Variants in MID1 observed in about 807,000 individuals in gnomAD.
The protein encoded by MID1 is E3 ubiquitin-protein ligase Midline-1.
In MID1, 7 loss-of-function variants were observed where a neutral mutation model predicts 40.4. That is an observed-to-expected ratio of 0.17 (90% confidence interval 0.10 to 0.33). The LOEUF is 0.33. MID1 is among the 10% of genes least tolerant of loss of function. The pLI is 1.00. For synonymous variants in MID1, 229 were observed against 221.2 expected (o/e 1.04, Z -0.31); for missense variants, 367 against 558.5 (o/e 0.66, Z 3.46).
intron 1 of MID1, among the ~76,000 whole-genome samples, chrX:10,571,490 CTTTTTTT>C (rs757552435): frequency 1.1e-5 from 1 of 92,769 alleles, no homozygotes; most frequent in African/African-American, 3.9e-5. Flanking sequence ...CCATTCATTC[CTTTTTTT>C]TTTTTTTTTG....
intron 1 of MID1, among the ~76,000 whole-genome samples, chrX:10,602,372 G>T (rs1409139285): frequency 9.1e-6 from 1 of 109,629 alleles, no homozygotes; most frequent in Non-Finnish European, 1.9e-5. Context: ...AATTCAGTGG[G>T]TTTTAGTATA....
chrX:10,450,601 C>T (rs907792809), intron 9 of MID1, among the ~76,000 whole-genome samples: 19 of 112,189 alleles, frequency 1.7e-4, no homozygotes, highest in African/African-American at 5.8e-4. Flanking sequence ...CCCACAAACA[C>T]GAACTACATT....
intron 3 of MID1, chrX:10,506,004 G>C (rs1164740185): frequency 3.4e-5 from 26 of 758,771 alleles, no homozygotes; most frequent in Non-Finnish European, 2.0e-5. Flanking sequence ...TTACGTCACT[G>C]ATAGAACTTA....
intron 4 of MID1, among the ~76,000 whole-genome samples, chrX:10,492,420 G>A (rs1262998034): frequency 1.8e-5 from 2 of 111,510 alleles, no homozygotes; most frequent in Non-Finnish European, 3.8e-5. Context: ...CCTGGCCCTT[G>A]AGGTCATTAT....
intron 1 of MID1, among the ~76,000 whole-genome samples, chrX:10,806,206 G>A (rs1047771813): frequency 9.0e-6 from 1 of 111,133 alleles, no homozygotes; most frequent in East Asian, 2.8e-4. Flanking sequence ...ATGGTTTTAG[G>A]TCTATCGTTT....
intron 7 of MID1, among the ~76,000 whole-genome samples, chrX:10,462,667 T>TC (rs1156835336): frequency 8.9e-6 from 1 of 111,983 alleles, no homozygotes; most frequent in Admixed American, 9.5e-5. Context: ...ATTTTTTTTT[T>TC]CATTCACAAT....
chrX:10,669,775 T>C (rs773106071), intron 1 of MID1, among the ~76,000 whole-genome samples: 3 of 112,327 alleles, frequency 2.7e-5, no homozygotes, highest in Admixed American at 9.4e-5. Context: ...TTTCAACAAA[T>C]AGACTTTGAA....
intron 1 of MID1, among the ~76,000 whole-genome samples, chrX:10,824,352 T>C (rs1033023034): frequency 4.5e-5 from 5 of 112,314 alleles, no homozygotes; most frequent in Non-Finnish European, 9.4e-5. Context: ...GGACCTTCAC[T>C]CTGGATCATT....
intron 1 of MID1, among the ~76,000 whole-genome samples, chrX:10,747,572 G>A (rs1186651930): frequency 8.9e-6 from 1 of 112,397 alleles, no homozygotes; most frequent in Non-Finnish European, 1.9e-5. Flanking sequence ...AGACAGTCAT[G>A]AAAACTTTCT....
intron 1 of MID1, among the ~76,000 whole-genome samples, chrX:10,631,217 G>T (rs964450358): frequency 1.8e-5 from 2 of 112,196 alleles, no homozygotes; most frequent in Non-Finnish European, 3.8e-5. Context: ...GTTGTGATAA[G>T]TTGGCCCATC....
chrX:10,483,813 C>T (rs1930473085), intron 4 of MID1, among the ~76,000 whole-genome samples: 1 of 111,879 alleles, frequency 8.9e-6, no homozygotes, highest in Non-Finnish European at 1.9e-5. Context: ...GAACTTGAGG[C>T]CTCTAAGGAA....
chrX:10,658,875 C>T (rs770899142), intron 1 of MID1, among the ~76,000 whole-genome samples: 1 of 112,003 alleles, frequency 8.9e-6, no homozygotes, highest in African/African-American at 3.2e-5. Context: ...TCTCTATCCC[C>T]TTTCCTTTTC....
At chrX:10,746,800 T>G (rs1233570036) in intron 1 of MID1, among the ~76,000 whole-genome samples, 9 of 108,608 alleles carry the variant, frequency 8.3e-5, no homozygotes, top group African/African-American at 2.7e-4. Context: ...GTAAGTATTA[T>G]TATTATTATA....
At chrX:10,625,486 T>TG, upstream of MID1, among the ~76,000 whole-genome samples, 1 of 112,367 alleles carries the variant, frequency 8.9e-6, no homozygotes, top group East Asian at 2.8e-4. Context: ...GAGTGTGTGG[T>TG]CAGTCAATAA....
Position 10,448,417 on chromosome X carries a change from G to A in MID1, c.*951C>T, listed in dbSNP as rs1442746629. The A allele has an allele frequency of 2.7e-5, 3 of 110,758 alleles. No individual in the cohort carries two copies. The highest frequency in any genetic ancestry group is 9.7e-5 in the Admixed American group (1 of 10,361). 9.1% of individuals were successfully genotyped at this position (110,758 alleles called of 1,213,427 possible). A position where few individuals can be genotyped will look rare whatever the true frequency, so the allele number is the denominator to read the frequency against. ...AGAACATGTTTATTTACTCAGCCCC[G>A]GAGACAAAAGGAAAATTGATATGGG... On this transcript the variant is annotated 3_prime_UTR_variant, in exon 10 of 10. Coordinates refer to ENST00000317552, the MANE Select transcript of MID1 (RefSeq NM_000381.4).
chrX:10,739,969 G>A (rs367603480), intron 1 of MID1, among the ~76,000 whole-genome samples: 37 of 112,351 alleles, frequency 3.3e-4, no homozygotes, highest in East Asian at 5.6e-4. Flanking sequence ...TGCCCCAAGC[G>A]TAGGCATTGA....
chrX:10,463,032 A>AGGCT, intron 7 of MID1, among the ~76,000 whole-genome samples: 1 of 112,458 alleles, frequency 8.9e-6, no homozygotes, highest in East Asian at 2.8e-4. Flanking sequence ...GAATAAGAAT[A>AGGCT]GGCTGCTGGG....
intron 1 of MID1, among the ~76,000 whole-genome samples, chrX:10,598,594 T>C (rs1055903932): frequency 3.6e-5 from 4 of 112,256 alleles, no homozygotes; most frequent in Non-Finnish European, 5.6e-5. Flanking sequence ...AGAGAGATTC[T>C]ATGTGTGTGA....
At chrX:10,553,805 A>G (rs780241274) in intron 2 of MID1, among the ~76,000 whole-genome samples, 14 of 111,921 alleles carry the variant, frequency 1.3e-4, no homozygotes, top group African/African-American at 4.5e-4. Context: ...CTCATCCTCA[A>G]TCATAGTCAC....
Sources: gnomAD v4.1 joint callset for allele counts (sites outside exome capture counted in the v4.1 genomes callset) on GRCh38, gnomAD v4.1.1 for gene constraint, MANE v1.5 for transcripts, NCBI Gene and HGNC (gene_info 2026-07-23, HGNC 2026-07-21) for gene names.